The following DLG2 variants were observed in gnomAD, a reference collection of about 807,000 sequenced individuals.
DLG2 encodes discs large MAGUK scaffold protein 2, also known as disks large homolog 2.
A neutral mutation model predicts 132.5 loss-of-function variants in DLG2; 45 were observed. The ratio of observed to expected loss-of-function variants is 0.34; its 90% CI spans 0.27 to 0.44. DLG2 has a LOEUF of 0.44. DLG2 is among the 20% of genes least tolerant of loss of function. The pLI is 1.00. For missense variants in DLG2, 1,045 were observed against 1,196.9 expected (o/e 0.87, Z 1.87); for synonymous variants, 424 against 419.6 (o/e 1.01, Z -0.13).
intron 3 of DLG2, among the ~76,000 whole-genome samples, chr11:85,372,352 C>T (rs2085051055): frequency 6.6e-6 from 1 of 152,210 alleles, no homozygotes; most frequent in African/African-American, 2.4e-5. Context: ...AACAAGACAT[C>T]CTTTCCTCTC....
intron 19 of DLG2, among the ~76,000 whole-genome samples, chr11:83,590,453 A>G (rs912539780): frequency 1.2e-4 from 19 of 152,176 alleles, no homozygotes; most frequent in Non-Finnish European, 2.5e-4. Flanking sequence ...GAGAACAAAG[A>G]CACAGCATAC....
chr11:83,530,865 C>A (rs2095722857), intron 21 of DLG2, among the ~76,000 whole-genome samples: 1 of 151,860 alleles, frequency 6.6e-6, no homozygotes, highest in South Asian at 2.1e-4. Context: ...GTGGCTTTAG[C>A]AAGGTTGCAG....
intron 4 of DLG2, among the ~76,000 whole-genome samples, chr11:85,177,294 C>G (rs56272375): frequency 6.8e-6 from 1 of 145,990 alleles, no homozygotes; most frequent in Non-Finnish European, 1.5e-5. Flanking sequence ...TATACACACA[C>G]ACACACACAC....
At chr11:85,195,554 C>T (rs1267202789) in intron 4 of DLG2, among the ~76,000 whole-genome samples, 2 of 142,050 alleles carry the variant, frequency 1.4e-5, no homozygotes, top group Non-Finnish European at 3.0e-5. Context: ...GACGGAGTCT[C>T]GCTCTGTGGC....
At chr11:85,582,699 A>AAAAAAAC (rs2078628086) in intron 3 of DLG2, among the ~76,000 whole-genome samples, 2 of 135,408 alleles carry the variant, frequency 1.5e-5, no homozygotes, top group Non-Finnish European at 3.1e-5. Flanking sequence ...AAAAAAAAAA[A>AAAAAAAC]AAAAAACTCG....
intron 7 of DLG2, among the ~76,000 whole-genome samples, chr11:84,406,522 T>C (rs369558354): frequency 4.6e-5 from 7 of 152,174 alleles, no homozygotes; most frequent in Admixed American, 1.3e-4. Flanking sequence ...ACTTTGTTTG[T>C]AGAGATGGGG....
chr11:84,349,398 G>A (rs539425860), intron 7 of DLG2, among the ~76,000 whole-genome samples: 1 of 152,218 alleles, frequency 6.6e-6, no homozygotes, highest in South Asian at 2.1e-4. Context: ...AAGGTCTGGG[G>A]TTTGAAAATG....
In DLG2 at chr11:85,150,073, G is replaced by C. The variant is rs1038770869; in HGVS notation, c.282+4483C>G. On this transcript the variant is annotated intron_variant, in intron 5 of 27. Transcript: ENST00000376104. ...CTCACTCAGTCGCCCAGGCTGGAGG[G>C]CAGTGGCTTAATCTCAGCTCACTGC... Among the ~76,000 whole-genome samples the C allele has an allele frequency of 2.1e-5, 3 of 144,374 alleles. No homozygotes were observed. In the Admixed American group the frequency reaches 2.1e-4, roughly 10 times the overall value. The allele number at this position is 144,374 out of a possible 152,430, so 94.7% of individuals were successfully genotyped here. A position where few individuals can be genotyped will look rare whatever the true frequency, so the allele number is the denominator to read the frequency against.
chr11:84,895,307 T>G (rs1161476872), intron 6 of DLG2, among the ~76,000 whole-genome samples: 1 of 152,132 alleles, frequency 6.6e-6, no homozygotes, highest in Non-Finnish European at 1.5e-5. Flanking sequence ...GGTTAGTTAT[T>G]GAATACAAAT....
chr11:84,650,055 G>A (rs1031599317), intron 6 of DLG2, among the ~76,000 whole-genome samples: 1 of 152,172 alleles, frequency 6.6e-6, no homozygotes, highest in East Asian at 1.9e-4. Context: ...TCAGCTTCCA[G>A]TTGATGTGTA....
chr11:83,872,271 T>C (rs1045959509), intron 16 of DLG2, among the ~76,000 whole-genome samples: 3 of 152,106 alleles, frequency 2.0e-5, no homozygotes, highest in Non-Finnish European at 2.9e-5. Flanking sequence ...TCAAACAAAT[T>C]GGCGAGTTGT....
chr11:84,540,047 G>C (rs1038804264), intron 6 of DLG2, among the ~76,000 whole-genome samples: 2 of 152,092 alleles, frequency 1.3e-5, no homozygotes, highest in Non-Finnish European at 2.9e-5. Flanking sequence ...AATTCAAGAT[G>C]GATTAAAGAC....
chr11:85,047,009 C>G (rs1331959152), intron 6 of DLG2, among the ~76,000 whole-genome samples: 1 of 151,656 alleles, frequency 6.6e-6, no homozygotes, highest in African/African-American at 2.4e-5. Flanking sequence ...GCTACTTTTC[C>G]ATAGAACACA....
intron 7 of DLG2, among the ~76,000 whole-genome samples, chr11:84,264,963 T>C (rs1185460858): frequency 6.6e-6 from 1 of 152,146 alleles, no homozygotes; most frequent in Non-Finnish European, 1.5e-5. Flanking sequence ...ATAATGAGAA[T>C]CGTATGATTC....
At position 85,149,491 on chromosome 11, in the gene DLG2, C is replaced by G. The variant is rs758579562; in HGVS notation, c.282+5065G>C. ...TTGATTATCTGATGCCACTTCCCAT[C>G]CCATCTTTGTTCTAATAATCTTCTG... On this transcript the variant is annotated intron_variant, in intron 5 of 27. Coordinates refer to ENST00000376104, the MANE Select transcript of DLG2 (RefSeq NM_001142699.3). Among the ~76,000 whole-genome samples the G allele has an allele frequency of 8.1e-4, 124 of 152,214 alleles. 1 individual carries two copies. The highest frequency in any genetic ancestry group is 3.4e-3 in the Middle Eastern group (1 of 294).
In DLG2 at chr11:85,428,150, A is replaced by G. The variant is rs185947383; in HGVS notation, c.41-142785T>C. ...AGCAAGTCCTGAGAGACCTAAAAAGAGACTTAGACTCCCACACAATAATAA... is the reference window on the plus strand; with the variant it reads ...AGCAAGTCCTGAGAGACCTAAAAAGGGACTTAGACTCCCACACAATAATAA... On this transcript the variant is annotated intron_variant, in intron 3 of 27. Transcript: ENST00000376104. Among the ~76,000 whole-genome samples, 159 of 152,322 alleles carry G rather than the reference A, an allele frequency of 1.0e-3. 2 individuals carry two copies. The Middle Eastern group carries it at 0.014, about 13-fold the overall frequency.
At chr11:85,424,929 C>T (rs2090595794) in intron 3 of DLG2, among the ~76,000 whole-genome samples, 1 of 151,974 alleles carries the variant, frequency 6.6e-6, no homozygotes, top group Admixed American at 6.6e-5. Context: ...CTTAAGCCAC[C>T]CTATCTATGG....
At chr11:84,097,057 C>T (rs1256374323) in intron 10 of DLG2, among the ~76,000 whole-genome samples, 2 of 152,170 alleles carry the variant, frequency 1.3e-5, no homozygotes, top group African/African-American at 4.8e-5. Context: ...AAAAAACAGA[C>T]TGAGGAAGTG....
intron 3 of DLG2, among the ~76,000 whole-genome samples, chr11:85,471,971 T>A (rs1317573940): frequency 6.6e-6 from 1 of 152,138 alleles, no homozygotes; most frequent in African/African-American, 2.4e-5. Flanking sequence ...AATAACAGAA[T>A]AATATCTACA....
Sources: allele counts gnomAD v4.1 joint callset (sites outside exome capture counted in the v4.1 genomes callset), GRCh38; gene constraint gnomAD v4.1.1; transcripts MANE v1.5; gene names NCBI Gene and HGNC (gene_info 2026-07-23, HGNC 2026-07-21).